RORA: variants seen among roughly 807,000 people sequenced by gnomAD.
RORA encodes nuclear receptor ROR-alpha.
In RORA, 7 loss-of-function variants were observed where a neutral mutation model predicts 69.5. The observed-to-expected ratio is 0.10, with a 90% CI of 0.06 to 0.19. RORA has a LOEUF of 0.19. RORA is among the 10% of genes least tolerant of loss of function. RORA has a pLI of 1.00. For missense variants in RORA, 457 were observed against 663.0 expected (o/e 0.69, Z 3.41); for synonymous variants, 261 against 240.8 (o/e 1.08, Z -0.78).
At chr15:60,750,578 C>A (rs2071709575) in intron 1 of RORA, among the ~76,000 whole-genome samples, 1 of 152,118 alleles carries the variant, frequency 6.6e-6, no homozygotes, top group African/African-American at 2.4e-5. Context: ...CTGTTTTGGG[C>A]AGCCTAATAA....
chr15:60,711,608 G>A (rs907486984), intron 1 of RORA, among the ~76,000 whole-genome samples: 2 of 152,072 alleles, frequency 1.3e-5, no homozygotes, highest in Non-Finnish European at 2.9e-5. Context: ...CTAGGCTGAG[G>A]GTCTCCTTCC....
chr15:61,025,320 G>A (rs993028547), intron 1 of RORA, among the ~76,000 whole-genome samples: 4 of 152,194 alleles, frequency 2.6e-5, no homozygotes, highest in African/African-American at 9.7e-5. Flanking sequence ...CGCCTCTCCT[G>A]AGAGAACTTT....
At chr15:60,940,094 C>A (rs572708889) in intron 1 of RORA, among the ~76,000 whole-genome samples, 1 of 152,330 alleles carries the variant, frequency 6.6e-6, no homozygotes, top group South Asian at 2.1e-4. Context: ...GGGGCCAACA[C>A]CTCCAACCCT....
chr15:61,130,627 T>C (rs897911934), intron 1 of RORA, among the ~76,000 whole-genome samples: 5 of 152,162 alleles, frequency 3.3e-5, no homozygotes, highest in Admixed American at 1.3e-4. Context: ...CTCCATAAAA[T>C]GGAGATAAGT....
intron 1 of RORA, among the ~76,000 whole-genome samples, chr15:60,684,021 C>CT (rs1367927791): frequency 6.6e-6 from 1 of 152,160 alleles, no homozygotes; most frequent in East Asian, 1.9e-4. Flanking sequence ...GACCAGTTAA[C>CT]TTTCTTGACT....
intron 1 of RORA, among the ~76,000 whole-genome samples, chr15:61,010,762 C>A (rs951847889): frequency 2.0e-5 from 3 of 152,114 alleles, no homozygotes; most frequent in Non-Finnish European, 4.4e-5. Context: ...CTGTGTTATG[C>A]CCAGTGGACA....
At chr15:61,169,745 C>G (rs2079569368) in intron 1 of RORA, among the ~76,000 whole-genome samples, 1 of 151,052 alleles carries the variant, frequency 6.6e-6, no homozygotes, top group Non-Finnish European at 1.5e-5. Context: ...TTCAAACCCC[C>G]CAGCAACTGT....
intron 1 of RORA, among the ~76,000 whole-genome samples, chr15:60,710,718 T>C (rs1295821869): frequency 6.6e-6 from 1 of 152,140 alleles, no homozygotes; most frequent in Non-Finnish European, 1.5e-5. Flanking sequence ...CCCAATTTCC[T>C]TCCTGAGCAG....
At chr15:60,685,452 T>G (rs1392309813) in intron 1 of RORA, among the ~76,000 whole-genome samples, 1 of 152,176 alleles carries the variant, frequency 6.6e-6, no homozygotes, top group Non-Finnish European at 1.5e-5. Context: ...AAATATCACT[T>G]TGTGCTGGCC....
intron 1 of RORA, among the ~76,000 whole-genome samples, chr15:60,835,870 C>A (rs1339127962): frequency 6.6e-6 from 1 of 152,170 alleles, no homozygotes. Flanking sequence ...ACCTTACCTC[C>A]AAGAATTGGC....
At chr15:61,087,814 T>A (rs1427000274) in intron 1 of RORA, among the ~76,000 whole-genome samples, 1 of 152,260 alleles carries the variant, frequency 6.6e-6, no homozygotes, top group African/African-American at 2.4e-5. Flanking sequence ...GCATTTTTTA[T>A]GTGTTCTGCA....
chr15:61,222,640 C>A (rs2080108689), intron 1 of RORA, among the ~76,000 whole-genome samples: 1 of 152,154 alleles, frequency 6.6e-6, no homozygotes, highest in South Asian at 2.1e-4. Context: ...ACTACAATAT[C>A]AAAGATAATC....
chr15:61,106,905 A>G (rs560217227), intron 1 of RORA, among the ~76,000 whole-genome samples: 1 of 152,346 alleles, frequency 6.6e-6, no homozygotes, highest in African/African-American at 2.4e-5. Context: ...CCCTTTATGG[A>G]ACACGTGCTA....
At chr15:60,826,742 TCTCTCTCTCTCTCTCTCTCTCTCC>T (rs2072964790) in intron 1 of RORA, among the ~76,000 whole-genome samples, 1 of 81,886 alleles carries the variant, frequency 1.2e-5, no homozygotes, top group Non-Finnish European at 3.2e-5. Flanking sequence ...TTCTACCTGC[TCTCTCTCTCTCTCTCTCTCTCTCC>T]CTCTCTCTCT....
At chr15:60,755,866 C>T (rs341418) in intron 1 of RORA, among the ~76,000 whole-genome samples, 5 of 152,198 alleles carry the variant, frequency 3.3e-5, no homozygotes, top group African/African-American at 9.6e-5. Flanking sequence ...CCATTCCATA[C>T]CTCTGCAGAA....
intron 1 of RORA, among the ~76,000 whole-genome samples, chr15:60,978,084 T>C (rs559911018): frequency 7.2e-5 from 11 of 152,296 alleles, no homozygotes; most frequent in African/African-American, 2.4e-4. Flanking sequence ...CAAACAATGA[T>C]TACGAGTTCT....
chr15:60,572,992 T>C (rs1787596309), intron 2 of RORA, among the ~76,000 whole-genome samples: 1 of 152,232 alleles, frequency 6.6e-6, no homozygotes, highest in Non-Finnish European at 1.5e-5. Context: ...AGTGTATTTT[T>C]ATTTTAACAA....
intron 1 of RORA, among the ~76,000 whole-genome samples, chr15:61,105,554 G>A (rs1595992455): frequency 6.6e-6 from 1 of 152,058 alleles, no homozygotes; most frequent in East Asian, 1.9e-4. Context: ...TTCTGCCAAG[G>A]TCATTGGTTG....
intron 1 of RORA, among the ~76,000 whole-genome samples, chr15:60,779,406 T>C (rs578010641): frequency 2.0e-5 from 3 of 152,298 alleles, no homozygotes; most frequent in Non-Finnish European, 2.9e-5. Flanking sequence ...GGCAGTCTAA[T>C]GCATCTCTCC....
Sources: gnomAD v4.1 joint callset for allele counts (sites outside exome capture counted in the v4.1 genomes callset) on GRCh38, gnomAD v4.1.1 for gene constraint, MANE v1.5 for transcripts, NCBI Gene and HGNC (gene_info 2026-07-23, HGNC 2026-07-21) for gene names.